The following PPP1R16B variants were observed in gnomAD, a reference collection of about 807,000 sequenced individuals.
The protein encoded by PPP1R16B is protein phosphatase 1 regulatory inhibitor subunit 16B.
Under a neutral mutation model 61.7 loss-of-function variants are expected in PPP1R16B, and 14 were observed. The ratio of observed to expected loss-of-function variants is 0.23; its 90% confidence interval spans 0.15 to 0.35. The LOEUF is 0.35. PPP1R16B is among the 10% of genes least tolerant of loss of function. The pLI is 1.00. For missense variants in PPP1R16B, 547 were observed against 752.5 expected (o/e 0.73, Z 3.19); for synonymous variants, 266 against 305.3 (o/e 0.87, Z 1.34).
chr20:38,810,655 T>A (rs1424920467), intron 1 of PPP1R16B, among the ~76,000 whole-genome samples: 1 of 152,194 alleles, frequency 6.6e-6, no homozygotes, highest in East Asian at 1.9e-4. Flanking sequence ...ACTCACTGAT[T>A]GATCATGATA....
chr20:38,852,128 T>C (rs572495713), intron 2 of PPP1R16B, among the ~76,000 whole-genome samples: 1 of 152,294 alleles, frequency 6.6e-6, no homozygotes, highest in East Asian at 1.9e-4. Context: ...TTAAATATCG[T>C]TCAAGGGAGA....
chr20:38,881,455 G>T (rs1325927417), intron 2 of PPP1R16B, among the ~76,000 whole-genome samples: 2 of 152,212 alleles, frequency 1.3e-5, no homozygotes, highest in Non-Finnish European at 2.9e-5. Context: ...ACAGCACCTT[G>T]AAGAGGGGGA....
At chr20:38,898,316 C>T (rs577912701) in intron 4 of PPP1R16B, among the ~76,000 whole-genome samples, 3 of 152,250 alleles carry the variant, frequency 2.0e-5, no homozygotes, top group African/African-American at 7.2e-5. Context: ...GGGTTTGTTT[C>T]TGGACTCTAT....
chr20:38,899,067 C>A (rs556223241), intron 4 of PPP1R16B, among the ~76,000 whole-genome samples: 3 of 152,292 alleles, frequency 2.0e-5, no homozygotes, highest in African/African-American at 4.8e-5. Flanking sequence ...TGGCCCAGGG[C>A]AGGTAACCTT....
intron 2 of PPP1R16B, among the ~76,000 whole-genome samples, chr20:38,857,992 C>T (rs1275130951): frequency 6.6e-6 from 1 of 152,086 alleles, no homozygotes; most frequent in Non-Finnish European, 1.5e-5. Flanking sequence ...AATCCAAGAT[C>T]AAGGTGCCAG....
chr20:38,850,559 A>G (rs1044108512), intron 2 of PPP1R16B, among the ~76,000 whole-genome samples: 1 of 152,234 alleles, frequency 6.6e-6, no homozygotes, highest in African/African-American at 2.4e-5. Context: ...CCAATACAAT[A>G]GCTGCTAAAT....
Position 38,815,678 on chromosome 20 carries a change from G to A in PPP1R16B, c.-102+9886G>A, listed in dbSNP as rs371364420. ...TGAGGATTAAGTAACTTTCATTTTT[G>A]TCAGTCTGACAGATATAAAGCAGAA... On this transcript the variant is annotated intron_variant, in intron 1 of 10. Transcript: ENST00000299824. Among the ~76,000 whole-genome samples, 8 of 152,272 alleles carry A rather than the reference G, an allele frequency of 5.3e-5. No homozygotes were observed. The East Asian group carries it at 7.7e-4, about 15-fold the overall frequency.
At chr20:38,827,526 T>C (rs1012530168) in intron 1 of PPP1R16B, among the ~76,000 whole-genome samples, 2 of 152,196 alleles carry the variant, frequency 1.3e-5, no homozygotes, top group African/African-American at 4.8e-5. Flanking sequence ...GAGATCTGAA[T>C]GAAGGAGCAC....
chr20:38,852,706 G>C (rs1179524472), intron 2 of PPP1R16B, among the ~76,000 whole-genome samples: 2 of 138,886 alleles, frequency 1.4e-5, no homozygotes, highest in Non-Finnish European at 3.0e-5. Context: ...GGCATTGCTA[G>C]CATGATTGAT....
chr20:38,841,353 G>GAA lies in PPP1R16B; in HGVS notation c.250+5205_250+5206dup, dbSNP rs34203271. Among the ~76,000 whole-genome samples, 308 of 42,592 alleles carry GAA rather than the reference G, an allele frequency of 7.2e-3. 35 individuals are homozygous for GAA. The highest frequency in any genetic ancestry group is 0.011 in the East Asian group (19 of 1,776). 27.9% of individuals were successfully genotyped at this position (42,592 alleles called of 152,430 possible). On this transcript the variant is annotated intron_variant, in intron 2 of 10. Coordinates refer to ENST00000299824, the MANE Select transcript of PPP1R16B (RefSeq NM_015568.4). Reference sequence around the variant, plus strand: ...CCAGCCTGGAGAGCCTGTCTGTACTGAAAAAAAAAAAAAAAAAAAAAAAAA... The same window carrying GAA: ...CCAGCCTGGAGAGCCTGTCTGTACTGAAAAAAAAAAAAAAAAAAAAAAAAAAA...
chr20:38,841,460 TA>T (rs1322062868), intron 2 of PPP1R16B, among the ~76,000 whole-genome samples: 1 of 151,072 alleles, frequency 6.6e-6, no homozygotes, highest in Non-Finnish European at 1.5e-5. Flanking sequence ...TCCGGGAGGT[TA>T]AATCTGCAGT....
intron 10 of PPP1R16B, among the ~76,000 whole-genome samples, chr20:38,910,434 A>T (rs1257036751): frequency 6.6e-6 from 1 of 152,000 alleles, no homozygotes. Context: ...CTAAAGATTA[A>T]TTTTGTATAT....
chr20:38,889,331 C>A (rs913423867), intron 2 of PPP1R16B, among the ~76,000 whole-genome samples: 8 of 152,204 alleles, frequency 5.3e-5, no homozygotes, highest in Non-Finnish European at 1.2e-4. Context: ...ATCCTCTGGA[C>A]AACAAATATA....
At chr20:38,915,479 T>C (rs2085527403) in intron 10 of PPP1R16B, among the ~76,000 whole-genome samples, 1 of 152,162 alleles carries the variant, frequency 6.6e-6, no homozygotes, top group Admixed American at 6.5e-5. Context: ...TGCTTTCAGA[T>C]TGGTGTTCTA....
At chr20:38,879,176 G>T (rs1295225789) in intron 2 of PPP1R16B, among the ~76,000 whole-genome samples, 2 of 152,128 alleles carry the variant, frequency 1.3e-5, no homozygotes, top group Admixed American at 6.5e-5. Context: ...AATAGAATGA[G>T]GAAGTTCCAA....
intron 10 of PPP1R16B, among the ~76,000 whole-genome samples, chr20:38,909,700 G>A (rs2085473843): frequency 1.3e-5 from 2 of 152,334 alleles, no homozygotes; most frequent in East Asian, 1.9e-4. Context: ...GAGGGACCCT[G>A]CTTCCCAGCA....
At chr20:38,869,030 C>G (rs758726641) in intron 2 of PPP1R16B, among the ~76,000 whole-genome samples, 1 of 151,910 alleles carries the variant, frequency 6.6e-6, no homozygotes, top group African/African-American at 2.4e-5. Context: ...GTGTCCCTTC[C>G]CAGTCAATCC....
chr20:38,844,670 AT>A (rs942122350), intron 2 of PPP1R16B, among the ~76,000 whole-genome samples: 15 of 152,224 alleles, frequency 9.9e-5, no homozygotes, highest in Middle Eastern at 3.4e-3. Context: ...ACTGGTATTG[AT>A]TTTTTTCTTT....
chr20:38,852,474 C>T (rs543672808), intron 2 of PPP1R16B, among the ~76,000 whole-genome samples: 22 of 152,258 alleles, frequency 1.4e-4, no homozygotes, highest in Middle Eastern at 3.4e-3. Context: ...CAACCATGGT[C>T]GATCACCAAG....
Sources: allele counts gnomAD v4.1 joint callset (sites outside exome capture counted in the v4.1 genomes callset), GRCh38; gene constraint gnomAD v4.1.1; transcripts MANE v1.5; gene names NCBI Gene and HGNC (gene_info 2026-07-23, HGNC 2026-07-21).